The following PCDHGB3 variants were observed in gnomAD, a reference collection of about 807,000 sequenced individuals.
The protein encoded by PCDHGB3 is protocadherin gamma subfamily B, 3.
Under a neutral mutation model 59.2 loss-of-function variants are expected in PCDHGB3, and 40 were observed. The ratio of observed to expected loss-of-function variants is 0.68; its 90% CI spans 0.52 to 0.88. The LOEUF (loss-of-function observed/expected upper bound fraction) is 0.88. PCDHGB3 is among the 40% of genes least tolerant of loss of function. The pLI is 0.00. For missense variants in PCDHGB3, 1,309 were observed against 1,187.9 expected, an observed-to-expected ratio of 1.10 and a Z score of -1.50; for synonymous variants, 581 against 503.6, an observed-to-expected ratio of 1.15 and a Z score of -2.06.
chr5:141,408,914 A>G lies in PCDHGB3; in HGVS notation c.2415+36105A>G, dbSNP rs776105035. ...AATTTCTGTCAAGGATACCAATGAT[A>G]ACCCCCCGGTTTTCAGCAGAGACGA... On this transcript the variant is annotated intron_variant, in intron 1 of 3. Coordinates refer to ENST00000576222, the MANE Select transcript of PCDHGB3 (RefSeq NM_018924.5). The G allele has an allele frequency of 1.2e-5, 20 of 1,613,446 alleles. No homozygotes were observed. The South Asian group carries it at 2.1e-4, about 17-fold the overall frequency.
At chr5:141,409,135 T>G (rs748247175) in intron 1 of PCDHGB3, 1 of 1,614,026 alleles carries the variant, frequency 6.2e-7, no homozygotes, top group Non-Finnish European at 8.5e-7. Context: ...ATTTTGAAGA[T>G]GTAGAAAGGT....
chr5:141,475,938 G>T (rs756781296), intron 1 of PCDHGB3: 22 of 682,776 alleles, frequency 3.2e-5, no homozygotes, highest in African/African-American at 7.2e-5. Flanking sequence ...GCCCCTGCCC[G>T]TCCCCTTTCT....
rs200757040 is a variant in PCDHGB3, at chr5:141,431,080, C to T, written c.2415+58271C>T. 3 of 1,614,044 alleles carry T rather than the reference C, an allele frequency of 1.9e-6. No homozygotes were observed. The highest frequency in any genetic ancestry group is 2.5e-6 in the Non-Finnish European group (3 of 1,180,010). ...CCATCAAGTGTCAATTAAATCTAGA[C>T]ATTCTGATGGAGGATAAAGTGAAAA... On this transcript the variant is annotated intron_variant, in intron 1 of 3. Coordinates refer to ENST00000576222, the MANE Select transcript of PCDHGB3 (RefSeq NM_018924.5). This position sits in a 1 kb window ranked among gnomAD's most constrained non-coding sequence, Gnocchi z 4.8.
In PCDHGB3 at chr5:141,487,460, G is replaced by T; in HGVS notation, c.2416-7347G>T. ...AGGGTCAGATGACCCTATCAAGTTT[G>T]TTGATGTGGGAGGCCACTCTCATGG... On this transcript the variant is annotated intron_variant, in intron 1 of 3. Transcript: ENST00000576222. The surrounding 1 kb of genome is among the most constrained non-coding windows in gnomAD (Gnocchi z 5.0). 1 of 1,614,170 alleles carries T rather than the reference G, an allele frequency of 6.2e-7. No individual in the cohort carries two copies. Among genetic ancestry groups the T allele is most frequent in the Non-Finnish European group, 8.5e-7 (1 of 1,180,024 alleles).
intron 1 of PCDHGB3, chr5:141,378,088 T>A (rs1218204650): frequency 6.6e-6 from 1 of 152,252 alleles, no homozygotes; most frequent in African/African-American, 2.4e-5. Context: ...TTATAACTTT[T>A]TTTCAAACTC....
Position 141,490,909 on chromosome 5 carries a change from G to C in PCDHGB3, c.2416-3898G>C. ...ATCTCTGCATGTGTTTGTCCTAGAC[G>C]AGAATGATAATGCCCCAGCTGTGCT... On this transcript the variant is annotated intron_variant, in intron 1 of 3. Coordinates refer to ENST00000576222, the MANE Select transcript of PCDHGB3 (RefSeq NM_018924.5). This position sits in a 1 kb window ranked among gnomAD's most constrained non-coding sequence, Gnocchi z 5.4. 1 of 1,613,744 alleles carries C rather than the reference G, an allele frequency of 6.2e-7. No individual in the cohort carries two copies. The highest frequency in any genetic ancestry group is 2.2e-5 in the East Asian group (1 of 44,870).
intron 1 of PCDHGB3, among the ~76,000 whole-genome samples, chr5:141,379,919 T>G (rs930949901): frequency 6.2e-5 from 7 of 113,224 alleles, no homozygotes; most frequent in Non-Finnish European, 1.2e-4. Flanking sequence ...TTTTTTTTTT[T>G]GTCAGAGTCT....
In PCDHGB3 at chr5:141,485,368, G is replaced by T. The variant is rs2154580406; in HGVS notation, c.2416-9439G>T. On this transcript the variant is annotated intron_variant, in intron 1 of 3. Coordinates refer to ENST00000576222, the MANE Select transcript of PCDHGB3 (RefSeq NM_018924.5). This position sits in a 1 kb window ranked among gnomAD's most constrained non-coding sequence, Gnocchi z 5.7. Reference sequence around the variant, plus strand: ...ACAGTCTGTCAGCTCGCAGGCTGCAGGTCGCTGGAGAGGTGAACCAAAGAC... The same window carrying T: ...ACAGTCTGTCAGCTCGCAGGCTGCATGTCGCTGGAGAGGTGAACCAAAGAC... The T allele has an allele frequency of 6.2e-7, 1 of 1,614,144 alleles. No individual in the cohort carries two copies. The highest frequency in any genetic ancestry group is 2.2e-5 in the East Asian group (1 of 44,866).
intron 1 of PCDHGB3, chr5:141,419,630 G>A (rs1484627772): frequency 6.2e-7 from 1 of 1,612,430 alleles, no homozygotes; most frequent in South Asian, 1.1e-5. Context: ...GGTGACCAAG[G>A]TGGTGGCCGT....
intron 1 of PCDHGB3, among the ~76,000 whole-genome samples, chr5:141,457,827 C>T (rs1300495115): frequency 2.0e-5 from 3 of 152,204 alleles, no homozygotes; most frequent in Admixed American, 6.5e-5. Context: ...AAACTCAGAG[C>T]TTCCAGACCT....
At chr5:141,399,927 G>A (rs918358571) in intron 1 of PCDHGB3, 7 of 1,612,226 alleles carry the variant, frequency 4.3e-6, no homozygotes, top group Non-Finnish European at 5.1e-6. Flanking sequence ...ACGCCTGGCT[G>A]TCCTACCACG....
intron 1 of PCDHGB3, chr5:141,422,543 T>A: frequency 3.1e-6 from 5 of 1,614,000 alleles, no homozygotes; most frequent in Non-Finnish European, 4.2e-6. Flanking sequence ...GAAACTCATG[T>A]CTGGCTGAAT....
At chr5:141,450,869 G>A (rs1435272731) in intron 1 of PCDHGB3, among the ~76,000 whole-genome samples, 1 of 147,142 alleles carries the variant, frequency 6.8e-6, no homozygotes, top group Admixed American at 6.9e-5. Context: ...CTGTCACCCA[G>A]GCTGGTGTGC....
intron 1 of PCDHGB3, chr5:141,399,883 A>C: frequency 6.2e-7 from 1 of 1,612,718 alleles, no homozygotes; most frequent in South Asian, 1.1e-5. Flanking sequence ...CCTGGTGACC[A>C]AGGTAGTGGC....
rs1210429084 is a variant in PCDHGB3 at position 141,487,045 on chromosome 5, T to C, written c.2416-7762T>C. 2 of 1,614,088 alleles carry C rather than the reference T, an allele frequency of 1.2e-6. No individual in the cohort carries two copies. Among genetic ancestry groups the C allele is most frequent in the Non-Finnish European group, 1.7e-6 (2 of 1,180,036 alleles). On this transcript the variant is annotated intron_variant, in intron 1 of 3. Coordinates refer to ENST00000576222, the MANE Select transcript of PCDHGB3 (RefSeq NM_018924.5). This position sits in a 1 kb window ranked among gnomAD's most constrained non-coding sequence, Gnocchi z 5.0. ...CCAGCCTGTTTGCAGTCTCTCGATA[T>C]GCTGGGGAGGTGCGGACGGCTGTTC...
chr5:141,459,253 ATTAGTGTTGCCTCT>A (rs1439680561), intron 1 of PCDHGB3, among the ~76,000 whole-genome samples: 1 of 152,174 alleles, frequency 6.6e-6, no homozygotes, highest in African/African-American at 2.4e-5. Context: ...GTCACTATAA[ATTAGTGTTGCCTCT>A]TTCAGAATTT....
intron 1 of PCDHGB3, chr5:141,375,492 C>G (rs1479166064): frequency 9.9e-6 from 16 of 1,614,008 alleles, no homozygotes; most frequent in Non-Finnish European, 1.4e-5. Context: ...AGGGGTGCCT[C>G]CATCTTCTCT....
In PCDHGB3 at chr5:141,432,856, G is replaced by C; in HGVS notation, c.2415+60047G>C. 1 of 1,614,142 alleles carries C rather than the reference G, an allele frequency of 6.2e-7. No homozygotes were observed. The highest frequency in any genetic ancestry group is 1.7e-5 in the Admixed American group (1 of 60,030). On this transcript the variant is annotated intron_variant, in intron 1 of 3. Coordinates refer to ENST00000576222, the MANE Select transcript of PCDHGB3 (RefSeq NM_018924.5). This position sits in a 1 kb window ranked among gnomAD's most constrained non-coding sequence, Gnocchi z 6.0. Reference sequence around the variant, plus strand: ...TGTACCTGGTGGTAGCGGTGGCCGCGGTCTCCTGCGTCTTCCTGGCCTTCG... The same window carrying C: ...TGTACCTGGTGGTAGCGGTGGCCGCCGTCTCCTGCGTCTTCCTGGCCTTCG...
chr5:141,492,870 C>G (rs2099744684), intron 1 of PCDHGB3, among the ~76,000 whole-genome samples: 1 of 152,192 alleles, frequency 6.6e-6, no homozygotes, highest in African/African-American at 2.4e-5. Flanking sequence ...TGGCTCTCAA[C>G]CCCCAGAGAT....
Sources: gnomAD v4.1 joint callset for allele counts (sites outside exome capture counted in the v4.1 genomes callset) on GRCh38, gnomAD v4.1.1 for gene constraint, Gnocchi (gnomAD v3.1) non-coding constraint, MANE v1.5 for transcripts, NCBI Gene and HGNC (gene_info 2026-07-23, HGNC 2026-07-21) for gene names.